VPS39: variants seen among roughly 807,000 people sequenced by gnomAD.
The protein encoded by VPS39 is VPS39 subunit of HOPS complex.
Under a neutral mutation model 121.0 loss-of-function variants are expected in VPS39, and 70 were observed. The ratio of observed to expected loss-of-function variants is 0.58; its 90% CI spans 0.48 to 0.71. The LOEUF (loss-of-function observed/expected upper bound fraction) is 0.71. VPS39 is among the 30% of genes least tolerant of loss of function. The probability of loss-of-function intolerance (pLI) is 0.00; values close to 1 mark genes in which losing one functional copy is unlikely to be tolerated. For missense variants in VPS39, 818 were observed against 1,051.5 expected (o/e 0.78, Z 3.07); for synonymous variants, 378 against 398.1 (o/e 0.95, Z 0.60).
chr15:42,164,945 G>C (rs776217592), intron 18 of VPS39, 51 bp downstream of exon 18: 1 of 1,611,078 alleles, frequency 6.2e-7, no homozygotes, highest in African/African-American at 1.3e-5. Context: ...ACCTGGGTCT[G>C]TGCTCTCCTC....
chr15:42,186,844 G>T (rs891973548), intron 7 of VPS39, among the ~76,000 whole-genome samples: 1 of 152,198 alleles, frequency 6.6e-6, no homozygotes, highest in Non-Finnish European at 1.5e-5. Flanking sequence ...AAAAAATAGT[G>T]AGAATCACTT....
At chr15:42,200,426 C>T (rs1162409940) in intron 1 of VPS39, among the ~76,000 whole-genome samples, 11 of 152,044 alleles carry the variant, frequency 7.2e-5, no homozygotes, top group Admixed American at 7.2e-4. Context: ...AACCAGGTAT[C>T]CAACCTCAGC....
At chr15:42,198,350 G>C (rs2049988503) in intron 2 of VPS39, among the ~76,000 whole-genome samples, 1 of 152,092 alleles carries the variant, frequency 6.6e-6, no homozygotes, top group Non-Finnish European at 1.5e-5. Flanking sequence ...TTGGCTCCGA[G>C]AACTAAAAAA....
chr15:42,185,473 G>A (rs764207288), intron 7 of VPS39, among the ~76,000 whole-genome samples: 58 of 152,090 alleles, frequency 3.8e-4, no homozygotes, highest in Non-Finnish European at 6.3e-4. Flanking sequence ...GTGAGCCACC[G>A]CGCCTGGCCA....
intron 2 of VPS39, among the ~76,000 whole-genome samples, chr15:42,193,851 T>TAAA (rs35451716): frequency 1.7e-5 from 2 of 120,802 alleles, no homozygotes; most frequent in Non-Finnish European, 3.9e-5. Flanking sequence ...CCTTTGTTCA[T>TAAA]AAAAAAAAAA....
intron 10 of VPS39, among the ~76,000 whole-genome samples, chr15:42,176,711 T>C (rs945877943): frequency 1.3e-5 from 2 of 152,180 alleles, no homozygotes; most frequent in Non-Finnish European, 2.9e-5. Flanking sequence ...ATCCAGAACA[T>C]ATATGTCCAA....
chr15:42,162,407 T>C lies in VPS39; in HGVS notation c.2250A>G (p.Leu750=). 6.2e-7 allele frequency: 1 copy of C among 1,613,788 alleles called. No individual in the cohort carries two copies. Among genetic ancestry groups the C allele is most frequent in the Non-Finnish European group, 8.5e-7 (1 of 1,179,914 alleles). The part of the protein sequence containing the change: ...IHCLGPIKLE[L]LEPKANLQAA... ...CCTGGAGGTTGGCTTTTGGCTCCAG[T>C]AGTTCCAGCTTGATTGGCCCCAGGC... The change falls in exon 22 of 25, where the codon CTA becomes CTG. Residue 750 remains leucine, a synonymous_variant. Coordinates refer to ENST00000318006, the MANE Select transcript of VPS39 (RefSeq NM_015289.5).
chr15:42,194,155 TA>T (rs1235653561), intron 2 of VPS39, among the ~76,000 whole-genome samples: 3 of 151,116 alleles, frequency 2.0e-5, no homozygotes, highest in Admixed American at 6.6e-5. Context: ...AAACTAGCTT[TA>T]AAAAAAAACA....
chr15:42,205,497 T>G (rs375839087), intron 1 of VPS39, among the ~76,000 whole-genome samples: 2 of 152,130 alleles, frequency 1.3e-5, no homozygotes, highest in South Asian at 2.1e-4. Flanking sequence ...ATGTGCTTTG[T>G]GCATTGATGG....
chr15:42,187,170 C>A, intron 7 of VPS39, 101 bp downstream of exon 7: 1 of 832,146 alleles, frequency 1.2e-6, no homozygotes, highest in South Asian at 1.9e-5. Context: ...CCTGTTATGC[C>A]AAAAGCTCTA....
In VPS39 at chr15:42,178,514, A is replaced by G. The variant is rs781782006; in HGVS notation, c.775T>C (p.Phe259Leu). The change falls in exon 9 of 25, where the codon TTT becomes CTT. Residue 259 changes from phenylalanine to leucine, a missense_variant. Phe to Leu is a conservative substitution (Grantham distance 22). Coordinates refer to ENST00000318006, the MANE Select transcript of VPS39 (RefSeq NM_015289.5). ...CTTTGGACCAGAAGCCTCGGTTCAA[A>G]TGTTCGGATCTCAACATATCGAGGC... is the stretch of plus-strand genomic sequence containing the variant. The part of the protein sequence containing the change: ...VLPRYVEIRT[F>L]EPRLLVQSIE... 2 of 1,614,180 alleles carry G rather than the reference A, an allele frequency of 1.2e-6. No individual in the cohort carries two copies. Among genetic ancestry groups the G allele is most frequent in the Non-Finnish European group, 1.7e-6 (2 of 1,180,038 alleles).
intron 2 of VPS39, among the ~76,000 whole-genome samples, chr15:42,195,317 G>C (rs969948746): frequency 6.6e-6 from 1 of 152,186 alleles, no homozygotes. Context: ...GCACGCATCT[G>C]TAGTCCCGGA....
chr15:42,182,351 C>T (rs897045302), intron 8 of VPS39, among the ~76,000 whole-genome samples: 20 of 152,236 alleles, frequency 1.3e-4, no homozygotes, highest in African/African-American at 4.3e-4. Flanking sequence ...CACTTGAATA[C>T]GTTCTCATTT....
intron 2 of VPS39, among the ~76,000 whole-genome samples, chr15:42,196,185 G>C (rs980791948): frequency 7.9e-5 from 12 of 152,090 alleles, no homozygotes; most frequent in Non-Finnish European, 1.3e-4. Flanking sequence ...ATGGATTAAA[G>C]ACTTAAATGT....
In VPS39 at chr15:42,173,781, G is replaced by A. The variant is rs2049393303; in HGVS notation, c.1032C>T (p.Asn344=). 6.2e-7 allele frequency: 1 copy of A among 1,614,064 alleles called. No individual in the cohort carries two copies. Among genetic ancestry groups the A allele is most frequent in the South Asian group, 1.1e-5 (1 of 91,086 alleles). The change falls in exon 11 of 25, where the codon AAC becomes AAT. Residue 344 remains asparagine (N), a synonymous_variant. Transcript: ENST00000318006. ...IHHIKNLYAF[N]LFCQKRFDES... ...CATCAAAACGCTTCTGGCAGAAGAG[G>A]TTGAAGGCATACAAGTTCTTGATGT...
intron 11 of VPS39, among the ~76,000 whole-genome samples, chr15:42,170,612 A>G (rs1030305800): frequency 6.6e-6 from 1 of 152,202 alleles, no homozygotes; most frequent in Non-Finnish European, 1.5e-5. Flanking sequence ...ACCAACTGAC[A>G]AGAGAATATA....
intron 4 of VPS39, 46 bp from the exon 5 acceptor site, chr15:42,189,254 C>G: frequency 6.7e-7 from 1 of 1,503,564 alleles, no homozygotes; most frequent in Non-Finnish European, 9.2e-7. Context: ...TCATAATTCT[C>G]TAGCATAGCC....
intron 11 of VPS39, among the ~76,000 whole-genome samples, chr15:42,172,616 T>C (rs2049369309): frequency 1.3e-5 from 2 of 152,296 alleles, no homozygotes; most frequent in African/African-American, 4.8e-5. Context: ...ACAGGGGAAG[T>C]GGCAGTGGCA....
At chr15:42,191,365 A>G in intron 3 of VPS39, 131 bp downstream of exon 3, 1 of 1,076,508 alleles carries the variant, frequency 9.3e-7, no homozygotes, top group Non-Finnish European at 1.4e-6. Flanking sequence ...ATATATGAGC[A>G]GACACTCCTG....
Sources: gnomAD v4.1 joint callset for allele counts (sites outside exome capture counted in the v4.1 genomes callset) on GRCh38, gnomAD v4.1.1 for gene constraint, MANE v1.5 for transcripts, NCBI Gene and HGNC (gene_info 2026-07-23, HGNC 2026-07-21) for gene names.